Variants in LARGE1 observed in about 807,000 individuals in gnomAD.
LARGE1 encodes LARGE xylosyl- and glucuronyltransferase 1.
LARGE1 carries 43 observed loss-of-function variants against 87.6 expected under a neutral mutation model. The observed-to-expected ratio is 0.49, with a 90% CI of 0.38 to 0.63. LARGE1 has a LOEUF of 0.63. LARGE1 is among the 30% of genes least tolerant of loss of function. The probability of loss-of-function intolerance (pLI) is 0.00; values close to 1 mark genes in which losing one functional copy is unlikely to be tolerated. For synonymous variants in LARGE1, 434 were observed against 394.6 expected, an observed-to-expected ratio of 1.10 and a Z score of -1.18; for missense variants, 802 against 1,000.2, an observed-to-expected ratio of 0.80 and a Z score of 2.67.
intron 6 of LARGE1, among the ~76,000 whole-genome samples, chr22:33,501,084 G>A (rs1031187705): frequency 1.3e-5 from 2 of 152,160 alleles, no homozygotes; most frequent in Non-Finnish European, 2.9e-5. Context: ...AAGACGGAGG[G>A]TGGAGGGTGA....
intron 11 of LARGE1, among the ~76,000 whole-genome samples, chr22:33,233,179 T>C (rs903523528): frequency 1.3e-5 from 2 of 152,080 alleles, no homozygotes; most frequent in African/African-American, 2.4e-5. Context: ...GAGTAGACTC[T>C]GGGGAGAGAG....
Position 33,545,129 on chromosome 22 carries a change from G to A in LARGE1, c.787+19719C>T, listed in dbSNP as rs78687549. Among the ~76,000 whole-genome samples the A allele has an allele frequency of 3.1e-4, 47 of 152,104 alleles. No individual in the cohort carries two copies. In the East Asian group the frequency reaches 8.5e-3, roughly 28 times the overall value. On this transcript the variant is annotated intron_variant, in intron 6 of 14. Transcript: ENST00000397394. ...GAAAAATCACAGACATAGAAGAGAC[G>A]AATTCATTCTCTCACTCTAAATCTG...
chr22:33,162,134 AG>A (rs1922048212), downstream of LARGE1: 1 of 152,290 alleles, frequency 6.6e-6, no homozygotes, highest in South Asian at 2.1e-4. Context: ...GTATCTTTAC[AG>A]TAGCACCCCA....
intron 2 of LARGE1, among the ~76,000 whole-genome samples, chr22:33,676,400 A>AAAAAAAAAAC: frequency 6.7e-6 from 1 of 148,428 alleles, no homozygotes; most frequent in Non-Finnish European, 1.5e-5. Context: ...AAAAAAAAAA[A>AAAAAAAAAAC]AAAAGCTGGC....
chr22:33,193,027 C>T (rs1923868006), intron 11 of LARGE1, among the ~76,000 whole-genome samples: 1 of 151,806 alleles, frequency 6.6e-6, no homozygotes, highest in African/African-American at 2.4e-5. Flanking sequence ...TCCTACTTTT[C>T]ATTTTATTTG....
At chr22:33,844,539 T>C (rs1601757092) in intron 1 of LARGE1, among the ~76,000 whole-genome samples, 1 of 151,982 alleles carries the variant, frequency 6.6e-6, no homozygotes, top group Non-Finnish European at 1.5e-5. Context: ...CTATCTTCCT[T>C]GGGGCCCCTG....
At chr22:33,905,990 C>T (rs569728869) in intron 1 of LARGE1, among the ~76,000 whole-genome samples, 47 of 152,128 alleles carry the variant, frequency 3.1e-4, no homozygotes, top group Non-Finnish European at 5.7e-4. Flanking sequence ...ATTAGCCAGA[C>T]GTGGTGGCAG....
At chr22:33,229,265 C>T (rs1231323816) in intron 11 of LARGE1, among the ~76,000 whole-genome samples, 2 of 152,014 alleles carry the variant, frequency 1.3e-5, no homozygotes, top group African/African-American at 4.8e-5. Context: ...ATATTAGTTT[C>T]CACTTAAGAT....
At chr22:33,257,931 G>C (rs1927404533) in intron 11 of LARGE1, among the ~76,000 whole-genome samples, 1 of 152,052 alleles carries the variant, frequency 6.6e-6, no homozygotes, top group Non-Finnish European at 1.5e-5. Flanking sequence ...ACAAACAAAT[G>C]TGAAATTCAG....
intron 6 of LARGE1, among the ~76,000 whole-genome samples, chr22:33,449,118 G>A (rs914844398): frequency 6.6e-6 from 1 of 152,164 alleles, no homozygotes; most frequent in Admixed American, 6.5e-5. Flanking sequence ...GTATTTCCAA[G>A]TATGGATATA....
intron 4 of LARGE1, among the ~76,000 whole-genome samples, 188 bp from the exon 5 acceptor site, chr22:33,604,746 C>G (rs560606277): frequency 5.5e-4 from 83 of 152,288 alleles, no homozygotes; most frequent in Middle Eastern, 3.4e-3. Flanking sequence ...GGAGAGAAGT[C>G]ATCTCACCCA....
Position 33,817,252 on chromosome 22 carries a change from CAA to C in LARGE1, c.-82-55696_-82-55695del, listed in dbSNP as rs1446137621. Among the ~76,000 whole-genome samples, 7 of 152,320 alleles carry C rather than the reference CAA, an allele frequency of 4.6e-5. No homozygotes were observed. In the East Asian group the frequency reaches 1.4e-3, roughly 29 times the overall value. The stretch of plus-strand genomic sequence containing the variant: ...TAGCCCCTTTGAAGGCACACATTTT[CAA>C]AGTCAAATATCAGTAGACTTGCAGG... On this transcript the variant is annotated intron_variant, in intron 1 of 14. Coordinates refer to ENST00000397394, the MANE Select transcript of LARGE1 (RefSeq NM_133642.5).
intron 3 of LARGE1, among the ~76,000 whole-genome samples, chr22:33,635,053 G>A (rs1337224255): frequency 6.6e-6 from 1 of 151,890 alleles, no homozygotes; most frequent in Non-Finnish European, 1.5e-5. Context: ...GGGAGGTGGG[G>A]GCTGCAGTGA....
intron 1 of LARGE1, among the ~76,000 whole-genome samples, chr22:33,797,400 T>A: frequency 6.6e-6 from 1 of 152,162 alleles, no homozygotes; most frequent in Non-Finnish European, 1.5e-5. Flanking sequence ...TGGGGAGGTA[T>A]CCCACCATCC....
At chr22:33,140,141 C>A in the LARGE1 span, among the ~76,000 whole-genome samples, 1 of 152,184 alleles carries the variant, frequency 6.6e-6, no homozygotes. Flanking sequence ...CTCTGGGCTG[C>A]CCTCTCCTGG....
At chr22:33,439,378 T>C (rs756488093) in intron 6 of LARGE1, among the ~76,000 whole-genome samples, 34 of 152,084 alleles carry the variant, frequency 2.2e-4, no homozygotes, top group Non-Finnish European at 4.0e-4. Flanking sequence ...TCTGCAAAAT[T>C]TGGCTACATT....
intron 6 of LARGE1, among the ~76,000 whole-genome samples, chr22:33,522,144 G>A (rs781207616): frequency 5.3e-5 from 8 of 152,146 alleles, no homozygotes; most frequent in African/African-American, 1.9e-4. Context: ...GAAACACTGA[G>A]GATCACATTT....
intron 1 of LARGE1, among the ~76,000 whole-genome samples, chr22:33,801,887 A>G (rs1009071269): frequency 1.5e-5 from 2 of 130,668 alleles, no homozygotes; most frequent in African/African-American, 5.1e-5. Flanking sequence ...AGTTGTATCA[A>G]AAGAGTAAAG....
At chr22:33,118,276 A>G in the LARGE1 span, among the ~76,000 whole-genome samples, 1 of 152,078 alleles carries the variant, frequency 6.6e-6, no homozygotes, top group Non-Finnish European at 1.5e-5. Flanking sequence ...TGAGCCCAGG[A>G]GTTCAAGACC....
Sources: gnomAD v4.1 joint callset for allele counts (sites outside exome capture counted in the v4.1 genomes callset) on GRCh38, gnomAD v4.1.1 for gene constraint, MANE v1.5 for transcripts, NCBI Gene and HGNC (gene_info 2026-07-23, HGNC 2026-07-21) for gene names.